NOX4: variants seen among roughly 807,000 people sequenced by gnomAD.
NOX4 encodes NADPH oxidase 4, also known as kidney oxidase-1.
A neutral mutation model predicts 87.6 loss-of-function variants in NOX4; 69 were observed. The observed-to-expected ratio is 0.79, with a 90% CI of 0.65 to 0.96. The LOEUF (loss-of-function observed/expected upper bound fraction) is 0.96. Among genes scored for constraint, NOX4 ranks in the 40% least tolerant of loss-of-function variants. The pLI, the probability that NOX4 is intolerant of heterozygous loss-of-function variation, is 0.00. For synonymous variants in NOX4, 275 were observed against 238.2 expected (o/e 1.15, Z -1.42); for missense variants, 680 against 681.5 (o/e 1.00, Z 0.02).
At chr11:89,425,489 T>C (rs970275526) in intron 7 of NOX4, among the ~76,000 whole-genome samples, 54 of 150,368 alleles carry the variant, frequency 3.6e-4, no homozygotes, top group African/African-American at 1.3e-3. Context: ...TAAAAACCTA[T>C]ATTGCGATGT....
chr11:89,501,787 C>A (rs1947024116), upstream of NOX4, among the ~76,000 whole-genome samples: 1 of 152,148 alleles, frequency 6.6e-6, no homozygotes, highest in African/African-American at 2.4e-5. Flanking sequence ...GAGAGCAGAA[C>A]AAGAGGCTGG....
intron 7 of NOX4, among the ~76,000 whole-genome samples, chr11:89,432,215 G>T (rs1031059513): frequency 1.3e-5 from 2 of 151,970 alleles, no homozygotes; most frequent in South Asian, 4.2e-4. Flanking sequence ...GTTGGGAGAG[G>T]GGGAGGGACA....
chr11:89,396,588 G>A (rs181432422), intron 11 of NOX4, among the ~76,000 whole-genome samples: 1 of 152,152 alleles, frequency 6.6e-6, no homozygotes, highest in East Asian at 1.9e-4. Flanking sequence ...CACGTGCAGA[G>A]ATGCACATAG....
intron 7 of NOX4, among the ~76,000 whole-genome samples, chr11:89,426,012 T>A (rs576857336): frequency 1.3e-5 from 2 of 152,238 alleles, no homozygotes; most frequent in East Asian, 3.9e-4. Context: ...CTATAAATAT[T>A]CTGAAAAACT....
At position 89,490,963 on chromosome 11, in the gene NOX4, T is replaced by TCTC. The variant is rs34495256; in HGVS notation, c.57+224_57+226dup. 0.6 allele frequency: 422,078 copies of TCTC among 707,186 alleles called. 132,709 individuals carry two copies. The highest frequency in any genetic ancestry group is 0.69 in the Non-Finnish European group (263,932 of 383,890). 43.8% of individuals were successfully genotyped at this position (707,186 alleles called of 1,614,324 possible). A position where few individuals can be genotyped will look rare whatever the true frequency, so the allele number is the denominator to read the frequency against. On this transcript the variant is annotated intron_variant, in intron 1 of 17. Transcript: ENST00000263317. ...ATGACCTCTTCCCTCTTCCTCCACA[T>TCTC]CTCTCCCATCAATGTGCAGAAAAAT...
At chr11:89,421,735 AAAT>A (rs1305574335) in intron 8 of NOX4, among the ~76,000 whole-genome samples, 164 bp downstream of exon 8, 1 of 152,122 alleles carries the variant, frequency 6.6e-6, no homozygotes, top group Non-Finnish European at 1.5e-5. Context: ...GCTATGCTAA[AAAT>A]AAAACTATTT....
chr11:89,477,826 C>T (rs1224189377), intron 2 of NOX4, among the ~76,000 whole-genome samples: 1 of 151,970 alleles, frequency 6.6e-6, no homozygotes, highest in South Asian at 2.1e-4. Flanking sequence ...GAAACCACAG[C>T]CAATTGGAAA....
chr11:89,548,814 T>C, the NOX4 span: 1 of 152,178 alleles, frequency 6.6e-6, no homozygotes, highest in Non-Finnish European at 1.5e-5. Context: ...ATAGTATTTC[T>C]TTCTTTGCAC....
the NOX4 span, among the ~76,000 whole-genome samples, chr11:89,532,603 G>A: frequency 6.6e-6 from 1 of 152,110 alleles, no homozygotes; most frequent in Admixed American, 6.5e-5. Flanking sequence ...GGACTTTTGG[G>A]TTAACGCTGG....
At chr11:89,518,049 A>C in the NOX4 span, among the ~76,000 whole-genome samples, 34 of 152,226 alleles carry the variant, frequency 2.2e-4, 1 homozygote, top group South Asian at 7.1e-3. Flanking sequence ...GAAAACAAAC[A>C]CACAAACTAA....
chr11:89,410,642 A>T (rs1942428266), intron 8 of NOX4, among the ~76,000 whole-genome samples: 1 of 152,184 alleles, frequency 6.6e-6, no homozygotes, highest in Admixed American at 6.5e-5. Context: ...CACCAGGAGG[A>T]ACTCAGCCAG....
chr11:89,414,657 T>C (rs1424349865), intron 8 of NOX4, among the ~76,000 whole-genome samples: 1 of 149,402 alleles, frequency 6.7e-6, no homozygotes, highest in Non-Finnish European at 1.5e-5. Flanking sequence ...GATTACATTA[T>C]ATTATAGAGT....
intron 2 of NOX4, among the ~76,000 whole-genome samples, chr11:89,473,819 G>A (rs1001640299): frequency 5.9e-5 from 9 of 151,584 alleles, no homozygotes; most frequent in Non-Finnish European, 1.3e-4. Flanking sequence ...TCTTTCCTTG[G>A]GGAAAAAAAA....
At chr11:89,561,015 T>TATATATATTATATATATATATATATACAC in the NOX4 span, among the ~76,000 whole-genome samples, 6 of 80,510 alleles carry the variant, frequency 7.5e-5, no homozygotes, top group African/African-American at 3.6e-4. Flanking sequence ...TATATATATA[T>TATATATATTATATATATATATATATACAC]ATATACATAC....
chr11:89,578,922 G>C, the NOX4 span, among the ~76,000 whole-genome samples: 2 of 152,142 alleles, frequency 1.3e-5, no homozygotes, highest in Non-Finnish European at 2.9e-5. Flanking sequence ...ACTTCAATGG[G>C]TGAATGGATA....
At chr11:89,566,852 G>A in the NOX4 span, among the ~76,000 whole-genome samples, 1 of 152,146 alleles carries the variant, frequency 6.6e-6, no homozygotes, top group Non-Finnish European at 1.5e-5. Flanking sequence ...AAATAGGTGA[G>A]AAGTGGCCCA....
At chr11:89,369,104 C>T (rs1365634395) in intron 12 of NOX4, among the ~76,000 whole-genome samples, 1 of 152,164 alleles carries the variant, frequency 6.6e-6, no homozygotes, top group East Asian at 1.9e-4. Context: ...TTATTCAGGG[C>T]TCTGTTCAGA....
At chr11:89,348,058 T>C (rs1946292708) in intron 13 of NOX4, among the ~76,000 whole-genome samples, 2 of 152,120 alleles carry the variant, frequency 1.3e-5, no homozygotes, top group Admixed American at 1.3e-4. Context: ...GGATGATTGC[T>C]CGAGGCTAGG....
the NOX4 span, among the ~76,000 whole-genome samples, chr11:89,511,290 A>C: frequency 6.6e-6 from 1 of 151,982 alleles, no homozygotes; most frequent in African/African-American, 2.4e-5. Flanking sequence ...TGGGACATAC[A>C]ATACATTATT....
Sources: allele counts gnomAD v4.1 joint callset (sites outside exome capture counted in the v4.1 genomes callset), GRCh38; gene constraint gnomAD v4.1.1; transcripts MANE v1.5; gene names NCBI Gene and HGNC (gene_info 2026-07-23, HGNC 2026-07-21).